Variants in TAS2R1 observed in about 807,000 individuals in gnomAD.
TAS2R1 encodes taste 2 receptor member 1.
For synonymous variants in TAS2R1, 141 were observed against 134.2 expected (o/e 1.05, Z -0.35); for missense variants, 370 against 353.4 (o/e 1.05, Z -0.38).
the TAS2R1 span, among the ~76,000 whole-genome samples, chr5:9,851,544 C>G: frequency 4.7e-4 from 68 of 145,750 alleles, no homozygotes; most frequent in South Asian, 5.7e-3. Flanking sequence ...CTTTTACTTT[C>G]CAAACTCTAA....
chr5:9,644,709 T>G (rs1392227729), intron 2 of TAS2R1, among the ~76,000 whole-genome samples: 3 of 152,138 alleles, frequency 2.0e-5, no homozygotes, highest in Non-Finnish European at 4.4e-5. Context: ...GGGATGAGAT[T>G]GCCAGCTGGA....
At chr5:9,842,318 T>C in the TAS2R1 span, among the ~76,000 whole-genome samples, 3 of 124,094 alleles carry the variant, frequency 2.4e-5, no homozygotes, top group Non-Finnish European at 3.6e-5. Flanking sequence ...CTTTCTCTCT[T>C]TTTTTTTTTT....
the TAS2R1 span, among the ~76,000 whole-genome samples, chr5:9,796,278 A>G: frequency 6.6e-6 from 1 of 152,222 alleles, no homozygotes; most frequent in African/African-American, 2.4e-5. Flanking sequence ...CCTGTGAACA[A>G]AAGTCTTTCA....
At chr5:9,808,954 C>G in the TAS2R1 span, among the ~76,000 whole-genome samples, 50 of 152,314 alleles carry the variant, frequency 3.3e-4, no homozygotes, top group African/African-American at 1.1e-3. Flanking sequence ...GAGAATGATG[C>G]TGCCATCATT....
At chr5:9,814,475 A>G in the TAS2R1 span, among the ~76,000 whole-genome samples, 4 of 151,938 alleles carry the variant, frequency 2.6e-5, no homozygotes, top group Non-Finnish European at 5.9e-5. Flanking sequence ...TCTCGAGCCC[A>G]TTTTTTTTCA....
At chr5:9,820,225 G>A in the TAS2R1 span, among the ~76,000 whole-genome samples, 1 of 152,120 alleles carries the variant, frequency 6.6e-6, no homozygotes, top group East Asian at 1.9e-4. Context: ...TAGAAAGAAA[G>A]ACTGGAAGAT....
the TAS2R1 span, among the ~76,000 whole-genome samples, chr5:9,718,714 T>C: frequency 1.3e-5 from 2 of 152,190 alleles, no homozygotes; most frequent in African/African-American, 4.8e-5. Context: ...ACACCACCCA[T>C]GTGAAGGACA....
the TAS2R1 span, among the ~76,000 whole-genome samples, chr5:9,758,660 A>G: frequency 2.6e-5 from 4 of 152,204 alleles, no homozygotes; most frequent in Non-Finnish European, 5.9e-5. Context: ...GCAAGAAACA[A>G]AAACAAAACA....
the TAS2R1 span, among the ~76,000 whole-genome samples, chr5:9,867,524 C>A: frequency 6.6e-6 from 1 of 152,116 alleles, no homozygotes; most frequent in Non-Finnish European, 1.5e-5. Flanking sequence ...CATGGGAGAA[C>A]CTGCCCCCAT....
At chr5:9,718,047 C>T in the TAS2R1 span, among the ~76,000 whole-genome samples, 1 of 152,060 alleles carries the variant, frequency 6.6e-6, no homozygotes, top group Non-Finnish European at 1.5e-5. Flanking sequence ...GCAACCTCTG[C>T]CTCCCGGGTT....
the TAS2R1 span, among the ~76,000 whole-genome samples, chr5:9,884,701 C>T: frequency 6.6e-6 from 1 of 152,176 alleles, no homozygotes; most frequent in African/African-American, 2.4e-5. Context: ...ATTATGCTGT[C>T]AGAATAGCCA....
chr5:9,879,646 C>T, the TAS2R1 span, among the ~76,000 whole-genome samples: 1 of 152,206 alleles, frequency 6.6e-6, no homozygotes, highest in Non-Finnish European at 1.5e-5. Flanking sequence ...AACCCCCATA[C>T]TTTATACACT....
chr5:9,642,411 T>C (rs941120946), intron 2 of TAS2R1, among the ~76,000 whole-genome samples: 1 of 152,168 alleles, frequency 6.6e-6, no homozygotes, highest in African/African-American at 2.4e-5. Flanking sequence ...AACCCAGACA[T>C]CCTTTCTGAA....
At chr5:9,793,701 C>T in the TAS2R1 span, among the ~76,000 whole-genome samples, 4 of 152,214 alleles carry the variant, frequency 2.6e-5, no homozygotes, top group African/African-American at 9.6e-5. Context: ...CCCTGGGGTG[C>T]GGGGTCTCAT....
At chr5:9,724,307 T>C in the TAS2R1 span, among the ~76,000 whole-genome samples, 5 of 152,168 alleles carry the variant, frequency 3.3e-5, no homozygotes, top group East Asian at 3.9e-4. Context: ...TAATCTTTAT[T>C]TGGCCTTTTA....
chr5:9,782,399 C>T, the TAS2R1 span, among the ~76,000 whole-genome samples: 1 of 134,838 alleles, frequency 7.4e-6, no homozygotes, highest in Admixed American at 8.6e-5. Context: ...GCCTTTTCCC[C>T]TTCAAAACCT....
At chr5:9,783,555 C>T in the TAS2R1 span, among the ~76,000 whole-genome samples, 2 of 152,202 alleles carry the variant, frequency 1.3e-5, no homozygotes, top group Non-Finnish European at 2.9e-5. Context: ...TTCTCAAGCC[C>T]ATATCCTCTT....
chr5:9,697,681 A>G (rs1022494922), intron 1 of TAS2R1, among the ~76,000 whole-genome samples: 4 of 152,210 alleles, frequency 2.6e-5, no homozygotes, highest in Admixed American at 1.3e-4. Flanking sequence ...ATTTGCCAAA[A>G]AATGTTCAAA....
chr5:9,880,485 A>T, the TAS2R1 span, among the ~76,000 whole-genome samples: 1 of 152,208 alleles, frequency 6.6e-6, no homozygotes, highest in Non-Finnish European at 1.5e-5. Flanking sequence ...GATCTAGACC[A>T]TGGTTTCTCA....
Sources: gnomAD v4.1 joint callset for allele counts (sites outside exome capture counted in the v4.1 genomes callset) on GRCh38, gnomAD v4.1.1 for gene constraint, MANE v1.5 for transcripts, NCBI Gene and HGNC (gene_info 2026-07-23, HGNC 2026-07-21) for gene names.